The following SMC3 variants were observed in gnomAD, a reference collection of about 807,000 sequenced individuals.
SMC3 encodes structural maintenance of chromosomes 3.
Under a neutral mutation model 171.8 loss-of-function variants are expected in SMC3, and 20 were observed. The ratio of observed to expected loss-of-function variants is 0.12; its 90% CI spans 0.08 to 0.17. SMC3 has a LOEUF of 0.17. Among genes scored for constraint, SMC3 ranks in the 10% least tolerant of loss-of-function variants. The probability of loss-of-function intolerance (pLI) is 1.00; values close to 1 mark genes in which losing one functional copy is unlikely to be tolerated. For synonymous variants in SMC3, 464 were observed against 451.1 expected, an observed-to-expected ratio of 1.03 and a Z score of -0.36; for missense variants, 543 against 1,420.4, an observed-to-expected ratio of 0.38 and a Z score of 9.93.
At chr10:110,575,298 T>C (rs373131001) in intron 3 of SMC3, 38 bp from the exon 4 acceptor site, 4 of 1,524,690 alleles carry the variant, frequency 2.6e-6, no homozygotes, top group Non-Finnish European at 3.6e-6. Context: ...TATAAACACT[T>C]TTTTAGGGTA....
In SMC3 at chr10:110,576,394, T is replaced by C. The variant is rs545280521; in HGVS notation, c.198+991T>C. ...TAATGCATAAGCACGATGATTGGGTTTTCGTGTTCATGTGAGTCATGCCTC... is the reference window on the plus strand; with the variant it reads ...TAATGCATAAGCACGATGATTGGGTCTTCGTGTTCATGTGAGTCATGCCTC... On this transcript the variant is annotated intron_variant, in intron 4 of 28. Transcript: ENST00000361804. Among the ~76,000 whole-genome samples, 12 of 152,238 alleles carry C rather than the reference T, an allele frequency of 7.9e-5. No individual in the cohort carries two copies. The South Asian group carries it at 2.5e-3, about 32-fold the overall frequency.
In SMC3 at chr10:110,593,235, T is replaced by A. The variant is rs777175275; in HGVS notation, c.1963+12T>A. On this transcript the variant is annotated intron_variant, in intron 18 of 28. Coordinates refer to ENST00000361804, the MANE Select transcript of SMC3 (RefSeq NM_005445.4). Reference sequence around the variant, plus strand: ...TATTACTTTGGAAGGTTTGTAATACTAATTCTTAGCTTTAAACAGATAAAT... The same window carrying A: ...TATTACTTTGGAAGGTTTGTAATACAAATTCTTAGCTTTAAACAGATAAAT... 4.3e-6 allele frequency: 7 copies of A among 1,611,976 alleles called. No homozygotes were observed. In the East Asian group the frequency reaches 1.6e-4, roughly 36 times the overall value.
intron 18 of SMC3, 27 bp downstream of exon 18, chr10:110,593,250 A>G (rs975569545): frequency 6.2e-7 from 1 of 1,606,096 alleles, no homozygotes; most frequent in Non-Finnish European, 8.5e-7. Flanking sequence ...CTTAGCTTTA[A>G]ACAGATAAAT....
At chr10:110,573,856 T>G (rs1243698945) in intron 3 of SMC3, 111 bp downstream of exon 3, 9 of 789,530 alleles carry the variant, frequency 1.1e-5, no homozygotes, top group African/African-American at 1.7e-5. Context: ...CAAGAAATAC[T>G]TTATATGGGG....
intron 1 of SMC3, 95 bp downstream of exon 1, chr10:110,567,926 T>A: frequency 7.0e-7 from 1 of 1,424,116 alleles, no homozygotes; most frequent in Non-Finnish European, 9.8e-7. Context: ...CTCTCCCCTG[T>A]CTCCACAGGC....
At chr10:110,581,366 C>T in intron 8 of SMC3, among the ~76,000 whole-genome samples, 1 of 151,768 alleles carries the variant, frequency 6.6e-6, no homozygotes, top group Non-Finnish European at 1.5e-5. Context: ...TTACAGGTGC[C>T]CACCACCATA....
At chr10:110,599,534 C>T (rs905820511) in intron 20 of SMC3, 120 bp from the exon 21 acceptor site, 5 of 821,360 alleles carry the variant, frequency 6.1e-6, no homozygotes, top group East Asian at 5.3e-5. Flanking sequence ...TAATAGGCAC[C>T]TAATATTTGA....
chr10:110,579,887 G>T (rs1331180549), intron 7 of SMC3, among the ~76,000 whole-genome samples: 3 of 152,038 alleles, frequency 2.0e-5, no homozygotes, highest in Admixed American at 6.5e-5. Context: ...TTGACATTTA[G>T]GGATACTTGT....
chr10:110,579,020 C>G (rs558473189), intron 7 of SMC3, among the ~76,000 whole-genome samples: 3 of 152,140 alleles, frequency 2.0e-5, no homozygotes, highest in African/African-American at 7.2e-5. Context: ...GAAAAACTTT[C>G]TAAAATTAAT....
intron 2 of SMC3, among the ~76,000 whole-genome samples, chr10:110,569,375 TC>T (rs199748028): frequency 0.011 from 1,612 of 151,480 alleles, 25 homozygotes; most frequent in Admixed American, 0.045. Context: ...ATGCCAGGAT[TC>T]CCCCCCCACC....
chr10:110,569,240 A>C (rs1156428224), intron 2 of SMC3, among the ~76,000 whole-genome samples: 1 of 150,492 alleles, frequency 6.6e-6, no homozygotes, highest in Middle Eastern at 3.2e-3. Flanking sequence ...TTATCTAGGT[A>C]GCCTTGTATG....
At chr10:110,595,132 G>A (rs888833539) in intron 18 of SMC3, among the ~76,000 whole-genome samples, 3 of 151,628 alleles carry the variant, frequency 2.0e-5, no homozygotes, top group Admixed American at 6.6e-5. Flanking sequence ...ACAGACATGC[G>A]CCACTATGCC....
chr10:110,600,603 G>GC (rs1861371776), intron 22 of SMC3, 57 bp downstream of exon 22: 10 of 871,632 alleles, frequency 1.1e-5, no homozygotes, highest in Middle Eastern at 4.3e-4. Context: ...ATGACCTATT[G>GC]CAAGTGGTTA....
At position 110,601,133 on chromosome 10, in the gene SMC3, G is replaced by T; in HGVS notation, c.2644+3G>T. 2 of 1,604,834 alleles carry T rather than the reference G, an allele frequency of 1.2e-6. No homozygotes were observed. Among genetic ancestry groups the T allele is most frequent in the South Asian group, 1.1e-5 (1 of 90,834 alleles). On this transcript the variant is annotated splice_donor_region_variant and intron_variant, in intron 23 of 28. Transcript: ENST00000361804. Reference sequence around the variant, plus strand: ...AGACACTATGGCACGATCAGAAGGTGAATTTTTATGTAGTAAAATTTTGTT... The same window carrying T: ...AGACACTATGGCACGATCAGAAGGTTAATTTTTATGTAGTAAAATTTTGTT...
chr10:110,586,221 A>G (rs1249194418), intron 13 of SMC3, among the ~76,000 whole-genome samples: 1 of 152,196 alleles, frequency 6.6e-6, no homozygotes, highest in Non-Finnish European at 1.5e-5. Context: ...CACTTTACAT[A>G]AAGAAAAAAA....
rs1861330701 is a variant in SMC3, at chr10:110,598,218, A to G, written c.2196A>G (p.Arg732=). 1 of 1,613,954 alleles carries G rather than the reference A, an allele frequency of 6.2e-7. No individual in the cohort carries two copies. The highest frequency in any genetic ancestry group is 8.5e-7 in the Non-Finnish European group (1 of 1,179,872). ...ETQQRKFKAS[R]DSILSEMKML... ...AGCAAAGGAAATTTAAAGCATCTAG[A>G]GATAGCATATTATCAGAAATGAAGA... is the stretch of plus-strand genomic sequence containing the variant. Residue 732 remains arginine (R), a synonymous_variant, in exon 20 of 29, where the codon AGA becomes AGG. Transcript: ENST00000361804.
intron 23 of SMC3, 45 bp downstream of exon 23, chr10:110,601,175 A>T (rs779379087): frequency 3.0e-6 from 4 of 1,337,196 alleles, no homozygotes; most frequent in Admixed American, 3.4e-5. Flanking sequence ...CATGTTTTAT[A>T]AAATTGTTTA....
At position 110,575,216 on chromosome 10, in the gene SMC3, A is replaced by G. The variant is rs1177018790; in HGVS notation, c.131-120A>G. 4.0e-6 allele frequency: 3 copies of G among 741,682 alleles called. No individual in the cohort carries two copies. The East Asian group carries it at 8.1e-5, about 20-fold the overall frequency. The allele number at this position is 741,682 out of a possible 1,614,324, so 45.9% of individuals were successfully genotyped here. Reference sequence around the variant, plus strand: ...GCATTTCCTTTTGTCCATATGAAACAGATAATTTATTTGCATTGTCTATTA... The same window carrying G: ...GCATTTCCTTTTGTCCATATGAAACGGATAATTTATTTGCATTGTCTATTA... On this transcript the variant is annotated intron_variant, in intron 3 of 28. Coordinates refer to ENST00000361804, the MANE Select transcript of SMC3 (RefSeq NM_005445.4).
At chr10:110,600,593 A>G (rs1400431195) in intron 22 of SMC3, 47 bp downstream of exon 22, 4 of 935,474 alleles carry the variant, frequency 4.3e-6, no homozygotes, top group Middle Eastern at 4.2e-4. Context: ...CTTGGTGGCC[A>G]TGACCTATTG....
Sources: gnomAD v4.1 joint callset for allele counts (sites outside exome capture counted in the v4.1 genomes callset) on GRCh38, gnomAD v4.1.1 for gene constraint, MANE v1.5 for transcripts, NCBI Gene and HGNC (gene_info 2026-07-23, HGNC 2026-07-21) for gene names.